Variants in TSPAN9 observed in about 807,000 individuals in gnomAD.
The protein encoded by TSPAN9 is tetraspanin 9.
A neutral mutation model predicts 31.0 loss-of-function variants in TSPAN9; 16 were observed. That is an observed-to-expected ratio of 0.52 (90% CI 0.35 to 0.78). TSPAN9 has a LOEUF of 0.78. Among genes scored for constraint, TSPAN9 ranks in the 30% least tolerant of loss-of-function variants. The probability of loss-of-function intolerance (pLI) is 0.01; values close to 1 mark genes in which losing one functional copy is unlikely to be tolerated. For synonymous variants in TSPAN9, 145 were observed against 121.6 expected (o/e 1.19, Z -1.27); for missense variants, 272 against 312.5 (o/e 0.87, Z 0.98).
chr12:3,225,349 C>G (rs960647370), intron 3 of TSPAN9, among the ~76,000 whole-genome samples: 5 of 152,266 alleles, frequency 3.3e-5, no homozygotes, highest in Admixed American at 6.5e-5. Flanking sequence ...CTCACATGTG[C>G]ACGCACAGGA....
chr12:3,148,098 G>A (rs1379656849), intron 2 of TSPAN9, among the ~76,000 whole-genome samples: 1 of 152,166 alleles, frequency 6.6e-6, no homozygotes, highest in African/African-American at 2.4e-5. Flanking sequence ...TTGAAAGAAA[G>A]GGAGGAAGGG....
intron 1 of TSPAN9, among the ~76,000 whole-genome samples, chr12:3,078,436 CT>C (rs1214994303): frequency 6.6e-6 from 1 of 152,158 alleles, no homozygotes; most frequent in Non-Finnish European, 1.5e-5. Context: ...TGCCAGCTCC[CT>C]TCTCTTTACT....
At chr12:3,248,227 C>T (rs755700493) in intron 3 of TSPAN9, among the ~76,000 whole-genome samples, 3 of 152,136 alleles carry the variant, frequency 2.0e-5, no homozygotes, top group Non-Finnish European at 2.9e-5. Flanking sequence ...GCTGTGGCCC[C>T]CCTAGGCACA....
rs57719008 is a variant in TSPAN9 at position 3,209,958 on chromosome 12, CAAAAAAAAAAAAAA to C, written c.63+8717_63+8730del. On this transcript the variant is annotated intron_variant, in intron 3 of 8. Transcript: ENST00000011898. ...TGGGCGACAGAGTGAGACTCTGTCC[CAAAAAAAAAAAAAA>C]AAAAAAAAAAAAAATTAGCCGGGTG... Among the ~76,000 whole-genome samples the C allele has an allele frequency of 6.7e-3, 332 of 49,762 alleles. 3 individuals are homozygous for C. Among genetic ancestry groups the C allele is most frequent in the African/African-American group, 0.02 (311 of 15,386 alleles). The allele number at this position is 49,762 out of a possible 152,430, so 32.6% of individuals were successfully genotyped here. A position where few individuals can be genotyped will look rare whatever the true frequency, so the allele number is the denominator to read the frequency against.
rs1258914995 is a variant in TSPAN9, at chr12:3,283,528, A to G, written c.*412A>G. The G allele has an allele frequency of 6.1e-6, 1 of 163,784 alleles. No homozygotes were observed. Among genetic ancestry groups the G allele is most frequent in the African/African-American group, 2.4e-5 (1 of 41,906 alleles). 10.1% of individuals were successfully genotyped at this position (163,784 alleles called of 1,614,324 possible). On this transcript the variant is annotated 3_prime_UTR_variant, in exon 9 of 9. Transcript: ENST00000011898. ...AGCGGGGGCTGCGACATCCATGGCC[A>G]CCATGGGGCACCTGGCGGGGCGGGG...
chr12:3,081,442 T>C (rs1480030758), intron 1 of TSPAN9, among the ~76,000 whole-genome samples: 1 of 152,160 alleles, frequency 6.6e-6, no homozygotes, highest in Non-Finnish European at 1.5e-5. Flanking sequence ...CTTGGCCCCT[T>C]AGTTCATCCT....
At chr12:3,120,816 G>A (rs183701135) in intron 2 of TSPAN9, among the ~76,000 whole-genome samples, 1 of 152,384 alleles carries the variant, frequency 6.6e-6, no homozygotes, top group Non-Finnish European at 1.5e-5. Context: ...AGCTCTTCCA[G>A]TGAATGAAAA....
intron 2 of TSPAN9, among the ~76,000 whole-genome samples, chr12:3,186,692 AG>A (rs1288882943): frequency 2.6e-5 from 4 of 152,124 alleles, no homozygotes; most frequent in Middle Eastern, 3.2e-3. Flanking sequence ...CGATCACTGT[AG>A]TATAAGAGCT....
At chr12:3,186,359 T>A (rs1591666140) in intron 2 of TSPAN9, among the ~76,000 whole-genome samples, 1 of 152,094 alleles carries the variant, frequency 6.6e-6, no homozygotes, top group East Asian at 1.9e-4. Context: ...AATGGGGTGG[T>A]CAGGGAAGGC....
chr12:3,260,090 T>G (rs1399161751), intron 3 of TSPAN9, among the ~76,000 whole-genome samples: 4 of 152,160 alleles, frequency 2.6e-5, no homozygotes, highest in Non-Finnish European at 5.9e-5. Context: ...CAGGCAGAGA[T>G]AACAAGGGGG....
chr12:3,201,099 A>C, intron 2 of TSPAN9, 78 bp from the exon 3 acceptor site: 93 of 1,354,754 alleles, frequency 6.9e-5, no homozygotes, highest in Non-Finnish European at 8.8e-5. Context: ...GCCGGCGTTA[A>C]GACCGACAAG....
intron 2 of TSPAN9, among the ~76,000 whole-genome samples, chr12:3,131,129 GAAAA>G (rs59457295): frequency 6.8e-6 from 1 of 148,120 alleles, no homozygotes; most frequent in Admixed American, 6.7e-5. Context: ...CACTTTTGGG[GAAAA>G]AAAAAAAGAA....
At chr12:3,234,260 A>G (rs2098392203) in intron 3 of TSPAN9, among the ~76,000 whole-genome samples, 1 of 152,204 alleles carries the variant, frequency 6.6e-6, no homozygotes, top group East Asian at 1.9e-4. Flanking sequence ...CCATCCTTTG[A>G]TTGTCTAGTT....
chr12:3,156,153 A>G (rs1468111955), intron 2 of TSPAN9, among the ~76,000 whole-genome samples: 2 of 152,186 alleles, frequency 1.3e-5, no homozygotes, highest in African/African-American at 2.4e-5. Context: ...AGCCTGTGTC[A>G]GCGGCATTGA....
At chr12:3,209,995 G>T (rs2153973906) in intron 3 of TSPAN9, among the ~76,000 whole-genome samples, 1 of 146,934 alleles carries the variant, frequency 6.8e-6, no homozygotes, top group East Asian at 2.0e-4. Context: ...AATTAGCCGG[G>T]TGTGGTGGCG....
chr12:3,272,644 G>A (rs575463823), intron 3 of TSPAN9, among the ~76,000 whole-genome samples: 1 of 152,220 alleles, frequency 6.6e-6, no homozygotes, highest in South Asian at 2.1e-4. Flanking sequence ...GCCCGGCGCT[G>A]GCAGAGGAGT....
chr12:3,204,269 C>T (rs755386564), intron 3 of TSPAN9, among the ~76,000 whole-genome samples: 1 of 152,218 alleles, frequency 6.6e-6, no homozygotes, highest in African/African-American at 2.4e-5. Context: ...CACACCACCC[C>T]GCCCCGTGCC....
chr12:3,085,480 A>G (rs1254254498), intron 2 of TSPAN9, among the ~76,000 whole-genome samples: 2 of 152,074 alleles, frequency 1.3e-5, no homozygotes, highest in Middle Eastern at 3.4e-3. Flanking sequence ...GCCTCAGCAG[A>G]CAGGACGTTG....
chr12:3,263,614 CAT>C (rs982242650), intron 3 of TSPAN9, among the ~76,000 whole-genome samples: 4 of 152,180 alleles, frequency 2.6e-5, no homozygotes, highest in Non-Finnish European at 4.4e-5. Context: ...TCCCACAATC[CAT>C]ATATGTCTGT....
Sources: allele counts gnomAD v4.1 joint callset (sites outside exome capture counted in the v4.1 genomes callset), GRCh38; gene constraint gnomAD v4.1.1; transcripts MANE v1.5; gene names NCBI Gene and HGNC (gene_info 2026-07-23, HGNC 2026-07-21).